Variants in POU5F1 observed in about 807,000 individuals in gnomAD.
The protein encoded by POU5F1 is POU domain, class 5, transcription factor 1.
Under a neutral mutation model 38.3 loss-of-function variants are expected in POU5F1, and 6 were observed. The ratio of observed to expected loss-of-function variants is 0.16; its 90% confidence interval spans 0.09 to 0.31. The LOEUF is 0.31. Among genes scored for constraint, POU5F1 ranks in the 10% least tolerant of loss-of-function variants. POU5F1 has a pLI of 1.00. For missense variants in POU5F1, 286 were observed against 462.6 expected, an observed-to-expected ratio of 0.62 and a Z score of 3.50; for synonymous variants, 147 against 194.9, an observed-to-expected ratio of 0.75 and a Z score of 2.05.
At position 31,165,370 on chromosome 6, in the gene POU5F1, C is replaced by A; in HGVS notation, c.658-84G>T. On this transcript the variant is annotated intron_variant, in intron 3 of 4. Coordinates refer to ENST00000259915, the MANE Select transcript of POU5F1 (RefSeq NM_002701.6). The surrounding 1 kb of genome is among the most constrained non-coding windows in gnomAD (Gnocchi z 6.5). ...CACAGGGGTCTGTGACTAGATGTGT[C>A]AGCAGAGCCAGGTGGTGGTGTGAAA... The A allele has an allele frequency of 6.4e-7, 1 of 1,569,622 alleles. No homozygotes were observed. The highest frequency in any genetic ancestry group is 1.2e-5 in the South Asian group (1 of 86,772).
At chr6:31,166,737 T>C (rs903306193) in intron 1 of POU5F1, 1 of 1,178,704 alleles carries the variant, frequency 8.5e-7, no homozygotes, top group African/African-American at 1.6e-5. Context: ...AGTTTAAGGA[T>C]GTTTTGAGAT....
At position 31,170,600 on chromosome 6, in the gene POU5F1, C is replaced by G. The variant is rs2077010; in HGVS notation, c.21G>C (p.Ser7=). Residue 7 remains serine (S), a synonymous_variant, in exon 1 of 5, where the codon TCG becomes TCC. Transcript: ENST00000259915. ...CTGGAGGGGGCGAGAAGGCGAAATC[C>G]GAAGCCAGGTGTCCCGCCATGGGGA... MAGHLA[S]DFAFSPPPGG... 3 of 1,557,228 alleles carry G rather than the reference C, an allele frequency of 1.9e-6. No individual in the cohort carries two copies. Among genetic ancestry groups the G allele is most frequent in the Non-Finnish European group, 1.7e-6 (2 of 1,151,516 alleles).
chr6:31,166,159 G>A (rs1216104654), intron 1 of POU5F1, 112 bp from the exon 2 acceptor site: 2 of 1,610,792 alleles, frequency 1.2e-6, no homozygotes, highest in Non-Finnish European at 1.7e-6. Context: ...ATAGTCTGTA[G>A]AAGTGCCTCT....
In POU5F1 at chr6:31,165,448, A is replaced by C. The variant is rs372220322; in HGVS notation, c.657+123T>G. 6.3e-7 allele frequency: 1 copy of C among 1,579,408 alleles called. No individual in the cohort carries two copies. On this transcript the variant is annotated intron_variant, in intron 3 of 4. Transcript: ENST00000259915. This position sits in a 1 kb window ranked among gnomAD's most constrained non-coding sequence, Gnocchi z 6.5. ...GGACCTTATCCCAGCAGAACTGAGG[A>C]ATTTCACTCCATCCCACTGAGAACC...
At chr6:31,169,839 C>G (rs1777530105) in intron 1 of POU5F1, 1 of 350,940 alleles carries the variant, frequency 2.8e-6, no homozygotes, top group African/African-American at 2.1e-5. Flanking sequence ...GGAAAAGGGG[C>G]TCAAACCAAC....
chr6:31,165,456 T>C lies in POU5F1; in HGVS notation c.657+115A>G. The C allele has an allele frequency of 6.3e-7, 1 of 1,583,892 alleles. No homozygotes were observed. The highest frequency in any genetic ancestry group is 8.6e-7 in the Non-Finnish European group (1 of 1,164,336). ...TCCCAGCAGAACTGAGGAATTTCAC[T>C]CCATCCCACTGAGAACCACTGCACC... On this transcript the variant is annotated intron_variant, in intron 3 of 4. Transcript: ENST00000259915. This position sits in a 1 kb window ranked among gnomAD's most constrained non-coding sequence, Gnocchi z 6.5.
intron 1 of POU5F1, among the ~76,000 whole-genome samples, chr6:31,167,958 A>C (rs9263805): frequency 0.78 from 117,642 of 151,694 alleles, 45,852 homozygotes; most frequent in Middle Eastern, 0.86. Context: ...TTTTCTCCCC[A>C]CCAAGACGGA....
Position 31,165,849 on chromosome 6 carries a change from G to T in POU5F1, c.526+78C>A. 6.6e-7 allele frequency: 1 copy of T among 1,507,866 alleles called. No homozygotes were observed. Among genetic ancestry groups the T allele is most frequent in the African/African-American group, 1.4e-5 (1 of 70,954 alleles). 93.4% of individuals were successfully genotyped at this position (1,507,866 alleles called of 1,614,324 possible). ...TCCTCTTCATGGGTGAGGGTAGTCT[G>T]CCCCTGCCCCTCCCCACTAGGTTCA... On this transcript the variant is annotated intron_variant, in intron 2 of 4. Coordinates refer to ENST00000259915, the MANE Select transcript of POU5F1 (RefSeq NM_002701.6). The surrounding 1 kb of genome is among the most constrained non-coding windows in gnomAD (Gnocchi z 6.5).
At chr6:31,169,916 A>G in intron 1 of POU5F1, 1 of 535,348 alleles carries the variant, frequency 1.9e-6, no homozygotes, top group Non-Finnish European at 3.3e-6. Flanking sequence ...AGGAGATGTG[A>G]GAGACCCTGA....
rs1777580664 is a variant in POU5F1, at chr6:31,170,431, G to A, written c.190C>T (p.Pro64Ser). The stretch of plus-strand genomic sequence containing the variant: ...CCCCCACAGAACTCATACGGCGGGG[G>A]GCATGGGGGAATCCCCCACACCTCA... ...GSEVWGIPPC[P>S]PPYEFCGGMA... Residue 64 changes from proline to serine, a missense_variant, in exon 1 of 5, where the codon CCC (proline) becomes TCC (serine). Around this residue, in one of 2 missense-constraint regions of POU5F1, gnomAD observed 176 missense variants for 184.8 expected, o/e 0.95. Transcript: ENST00000259915. 1.2e-6 allele frequency: 2 copies of A among 1,611,624 alleles called. No homozygotes were observed. Among genetic ancestry groups the A allele is most frequent in the Non-Finnish European group, 1.7e-6 (2 of 1,179,572 alleles).
chr6:31,167,358 C>T (rs1777343477), intron 1 of POU5F1, among the ~76,000 whole-genome samples: 1 of 151,824 alleles, frequency 6.6e-6, no homozygotes. Flanking sequence ...GAGACCCGTG[C>T]CGCCCCTTCT....
chr6:31,168,313 G>A (rs536406453), intron 1 of POU5F1, among the ~76,000 whole-genome samples: 3 of 146,992 alleles, frequency 2.0e-5, no homozygotes, highest in South Asian at 4.4e-4. Context: ...TCGGCTCACC[G>A]CAACCTCCAT....
chr6:31,168,739 T>G (rs1260945469), intron 1 of POU5F1, among the ~76,000 whole-genome samples: 1 of 152,106 alleles, frequency 6.6e-6, no homozygotes, highest in Non-Finnish European at 1.5e-5. Flanking sequence ...GTGGAGCAGT[T>G]CAGGGAGCCA....
intron 1 of POU5F1, chr6:31,166,764 C>G (rs567697919): frequency 4.0e-4 from 473 of 1,173,314 alleles, no homozygotes; most frequent in Admixed American, 5.2e-4. Flanking sequence ...AATAGATAAG[C>G]TGCTAAGTTC....
chr6:31,167,283 T>C (rs1004473699), intron 1 of POU5F1: 3 of 241,278 alleles, frequency 1.2e-5, no homozygotes, highest in African/African-American at 2.3e-5. Context: ...TCCTAGCACT[T>C]TGGGAGGCCA....
intron 1 of POU5F1, among the ~76,000 whole-genome samples, chr6:31,168,239 T>C (rs1352820479): frequency 0.065 from 962 of 14,702 alleles, 8 homozygotes; most frequent in African/African-American, 0.15. Flanking sequence ...TAGCCTCACC[T>C]TTTTTTTTTT....
chr6:31,169,772 C>G (rs1181224974), intron 1 of POU5F1: 1 of 217,750 alleles, frequency 4.6e-6, no homozygotes, highest in African/African-American at 2.3e-5. Context: ...ATGCTTAACC[C>G]TAAGGCCAAA....
At chr6:31,169,110 C>T (rs1777488120) in intron 1 of POU5F1, among the ~76,000 whole-genome samples, 1 of 152,136 alleles carries the variant, frequency 6.6e-6, no homozygotes, top group Non-Finnish European at 1.5e-5. Flanking sequence ...TCCAAATCCT[C>T]GCTTCATCAT....
At chr6:31,166,552 A>G in intron 1 of POU5F1, 6 of 973,000 alleles carry the variant, frequency 6.2e-6, no homozygotes, top group Non-Finnish European at 8.3e-6. Context: ...CCAGCTACTC[A>G]GGAGGCTGAG....
Sources: allele counts gnomAD v4.1 joint callset (sites outside exome capture counted in the v4.1 genomes callset), GRCh38; gene constraint gnomAD v4.1.1; regional missense constraint gnomAD v4.1.1; non-coding constraint Gnocchi (gnomAD v3.1); transcripts MANE v1.5; gene names NCBI Gene and HGNC (gene_info 2026-07-23, HGNC 2026-07-21).